The following PKHD1L1 variants were observed in gnomAD, a reference collection of about 807,000 sequenced individuals.
PKHD1L1 encodes PKHD1 like 1.
PKHD1L1 carries 434 observed loss-of-function variants against 462.9 expected under a neutral mutation model. That is an observed-to-expected ratio of 0.94 (90% CI 0.87 to 1.02). The LOEUF is 1.02. Among genes scored for constraint, PKHD1L1 ranks in the 50% least tolerant of loss-of-function variants. The probability of loss-of-function intolerance (pLI) is 0.00; values close to 1 mark genes in which losing one functional copy is unlikely to be tolerated. For missense variants in PKHD1L1, 5,202 were observed against 5,096.1 expected, an observed-to-expected ratio of 1.02 and a Z score of -0.63; for synonymous variants, 1,781 against 1,750.0, an observed-to-expected ratio of 1.02 and a Z score of -0.44.
chr8:109,470,793 G>A (rs888526887), intron 50 of PKHD1L1: 1 of 1,523,214 alleles, frequency 6.6e-7, no homozygotes, highest in African/African-American at 1.4e-5. Context: ...AGTTTTGTGA[G>A]GTAAGGAAGG....
At chr8:109,367,115 C>G (rs181344866) in intron 2 of PKHD1L1, among the ~76,000 whole-genome samples, 5 of 152,104 alleles carry the variant, frequency 3.3e-5, no homozygotes, top group African/African-American at 9.7e-5. Context: ...TTAATAAATG[C>G]TATTTTAATG....
In PKHD1L1 at chr8:109,533,796, A is replaced by AG. The variant is rs59532672; in HGVS notation, c.*3706_*3707insG. On this transcript the variant is annotated 3_prime_UTR_variant, in exon 78 of 78. Coordinates refer to ENST00000378402, the MANE Select transcript of PKHD1L1 (RefSeq NM_177531.6). ...ACAGAAAAATCTTGACAAAAAAAAA[A>AG]TTCCAGTGGATTGAATTAAAACTTT... 6.6e-6 allele frequency among the ~76,000 whole-genome samples: 1 copy of AG among 152,042 alleles called. No individual in the cohort carries two copies. The highest frequency in any genetic ancestry group is 1.5e-5 in the Non-Finnish European group (1 of 67,988).
At chr8:109,430,972 C>CTT (rs11315322) in intron 27 of PKHD1L1, among the ~76,000 whole-genome samples, 16 of 138,984 alleles carry the variant, frequency 1.2e-4, no homozygotes, top group South Asian at 2.3e-4. Context: ...TGAATTCCCA[C>CTT]TTTTTTTTTT....
At chr8:109,500,667 C>G (rs1819361749) in intron 67 of PKHD1L1, among the ~76,000 whole-genome samples, 1 of 110,472 alleles carries the variant, frequency 9.1e-6, no homozygotes, top group African/African-American at 3.9e-5. Context: ...GAGTAAAACT[C>G]TGTCTCAAAA....
At chr8:109,510,756 T>C (rs1237326159) in intron 70 of PKHD1L1, 21 bp from the exon 71 acceptor site, 2 of 1,606,486 alleles carry the variant, frequency 1.2e-6, no homozygotes, top group Non-Finnish European at 1.7e-6. Context: ...GAGTATGCAC[T>C]TTCATTTTGC....
chr8:109,382,608 G>A, intron 4 of PKHD1L1, 37 bp downstream of exon 4: 1 of 1,528,292 alleles, frequency 6.5e-7, no homozygotes, highest in Non-Finnish European at 8.9e-7. Context: ...ATGTATAGTT[G>A]ATCTTGCTTT....
At position 109,363,657 on chromosome 8, in the gene PKHD1L1, G is replaced by A. The variant is rs575874893; in HGVS notation, c.74-890G>A. On this transcript the variant is annotated intron_variant, in intron 1 of 77. Coordinates refer to ENST00000378402, the MANE Select transcript of PKHD1L1 (RefSeq NM_177531.6). ...TCTATCCACTGTGTAGCTTTGAGTT[G>A]TTTTAAAGAATTATTTGCAATACTC... Among the ~76,000 whole-genome samples, 7 of 152,122 alleles carry A rather than the reference G, an allele frequency of 4.6e-5. No individual in the cohort carries two copies. The East Asian group carries it at 1.4e-3, about 29-fold the overall frequency.
At chr8:109,458,657 C>T (rs2130810322) in intron 46 of PKHD1L1, among the ~76,000 whole-genome samples, 1 of 152,174 alleles carries the variant, frequency 6.6e-6, no homozygotes, top group Middle Eastern at 3.4e-3. Flanking sequence ...ACATGTGACA[C>T]TGTCATTTGC....
At chr8:109,508,748 G>A (rs1318533335) in intron 70 of PKHD1L1, among the ~76,000 whole-genome samples, 2 of 152,126 alleles carry the variant, frequency 1.3e-5, no homozygotes, top group Admixed American at 6.6e-5. Flanking sequence ...CTATCAACAT[G>A]TTTTTTCGTC....
In PKHD1L1 at chr8:109,440,781, T is replaced by C. The variant is rs765461612; in HGVS notation, c.4028T>C (p.Phe1343Ser). 5.6e-6 allele frequency: 9 copies of C among 1,613,080 alleles called. No homozygotes were observed. In the African/African-American group the frequency reaches 8.0e-5, roughly 14 times the overall value. The change falls in exon 33 of 78, where the codon TTT becomes TCT. Residue 1343 changes from phenylalanine (F) to serine (S), a missense_variant. Physicochemically the swap from Phe to Ser is radical, Grantham distance 155 (BLOSUM62 -2). Transcript: ENST00000378402. ...ATGTTTCCACAAAGAGGCTCCTTGT[T>C]TGGTGGAACTGAAATCACCATAAGG... is the stretch of plus-strand genomic sequence containing the variant. ...TSMFPQRGSL[F>S]GGTEITIRGF...
intron 11 of PKHD1L1, 25 bp from the exon 12 acceptor site, chr8:109,398,434 G>C (rs544302088): frequency 2.2e-6 from 3 of 1,374,504 alleles, no homozygotes; most frequent in Non-Finnish European, 3.0e-6. Context: ...CAGTAGTAAC[G>C]GTTTTGTATC....
Position 109,464,705 on chromosome 8 carries a change from T to C in PKHD1L1, c.7873T>C (p.Trp2625Arg), listed in dbSNP as rs1446266550. ...TVHSQGWFGM[W>R]IFEEYFPMQT... is the part of the protein sequence containing the mutation. ...CCATTCTCAAGGTTGGTTTGGAATG[T>C]GGATCTTTGAGGAATATTTCCCCAT... The change falls in exon 49 of 78, where the codon TGG (tryptophan) becomes CGG (arginine). Residue 2625 changes from tryptophan to arginine, a missense_variant. Physicochemically the swap from Trp to Arg is moderately radical, Grantham distance 101 (BLOSUM62 -3). This residue lies in a region of PKHD1L1 where 4,497 missense variants were observed against 4,336.8 expected (regional missense o/e 1.04). Coordinates refer to ENST00000378402, the MANE Select transcript of PKHD1L1 (RefSeq NM_177531.6). 1 of 1,613,706 alleles carries C rather than the reference T, an allele frequency of 6.2e-7. No homozygotes were observed. Among genetic ancestry groups the C allele is most frequent in the Non-Finnish European group, 8.5e-7 (1 of 1,179,816 alleles).
intron 50 of PKHD1L1, among the ~76,000 whole-genome samples, chr8:109,474,000 C>G (rs1390171115): frequency 6.6e-6 from 1 of 152,038 alleles, no homozygotes; most frequent in Non-Finnish European, 1.5e-5. Context: ...TCTACTTTGC[C>G]CTCAAGGAGA....
chr8:109,477,913 C>T (rs1379361), intron 53 of PKHD1L1, among the ~76,000 whole-genome samples: 59,572 of 152,004 alleles, frequency 0.39, 11,881 homozygotes, highest in South Asian at 0.57. Context: ...TTGTAACTTA[C>T]ATAGCTCTTT....
At chr8:109,392,406 T>C (rs62508076) in intron 9 of PKHD1L1, among the ~76,000 whole-genome samples, 121 of 152,240 alleles carry the variant, frequency 7.9e-4, no homozygotes, top group Non-Finnish European at 1.6e-3. Context: ...AAACTTTCAA[T>C]TTAGAAATGC....
Position 109,381,347 on chromosome 8 carries a change from A to G in PKHD1L1, c.164-23A>G, listed in dbSNP as rs752011564. On this transcript the variant is annotated intron_variant, in intron 2 of 77. Transcript: ENST00000378402. Reference sequence around the variant, plus strand: ...TGAAGATAGAATACCATTAATAATAATTAAGTCTTCTTACTTTTCCAGGTT... The same window carrying G: ...TGAAGATAGAATACCATTAATAATAGTTAAGTCTTCTTACTTTTCCAGGTT... 3.9e-6 allele frequency: 6 copies of G among 1,536,628 alleles called. No homozygotes were observed. In the South Asian group the frequency reaches 7.2e-5, roughly 18 times the overall value.
intron 70 of PKHD1L1, among the ~76,000 whole-genome samples, chr8:109,509,438 C>T (rs940561536): frequency 1.3e-5 from 2 of 151,508 alleles, no homozygotes; most frequent in Non-Finnish European, 2.9e-5. Flanking sequence ...CATATTTCTT[C>T]AATATGAATT....
intron 28 of PKHD1L1, 73 bp from the exon 29 acceptor site, chr8:109,435,117 T>C (rs1815331105): frequency 1.3e-6 from 2 of 1,508,120 alleles, no homozygotes; most frequent in Admixed American, 3.6e-5. Flanking sequence ...ATGTTAGTAT[T>C]TGCAAGCATA....
intron 24 of PKHD1L1, among the ~76,000 whole-genome samples, chr8:109,425,961 A>G (rs1814724823): frequency 6.6e-6 from 1 of 152,120 alleles, no homozygotes; most frequent in Admixed American, 6.6e-5. Context: ...ACAATTATGT[A>G]TCTGGTTCAC....
Sources: gnomAD v4.1 joint callset for allele counts (sites outside exome capture counted in the v4.1 genomes callset) on GRCh38, gnomAD v4.1.1 for gene constraint, gnomAD v4.1.1 regional missense constraint, MANE v1.5 for transcripts, NCBI Gene and HGNC (gene_info 2026-07-23, HGNC 2026-07-21) for gene names.